LEMD1: variants seen among roughly 807,000 people sequenced by gnomAD.
LEMD1 encodes the protein LEM domain containing 1.
Under a neutral mutation model 17.4 loss-of-function variants are expected in LEMD1, and 18 were observed. The ratio of observed to expected loss-of-function variants is 1.04; its 90% CI spans 0.72 to 1.54. LEMD1 has a LOEUF of 1.54. Among genes scored for constraint, LEMD1 ranks in the 40% most tolerant of loss-of-function variants. The pLI is 0.00. For synonymous variants in LEMD1, 88 were observed against 77.8 expected (o/e 1.13, Z -0.69); for missense variants, 195 against 210.4 (o/e 0.93, Z 0.45).
At chr1:205,411,412 G>C (rs569751185) in intron 4 of LEMD1, among the ~76,000 whole-genome samples, 3 of 151,914 alleles carry the variant, frequency 2.0e-5, no homozygotes, top group Non-Finnish European at 4.4e-5. Flanking sequence ...AAATTTAGCC[G>C]GGCGTGGTGG....
At chr1:205,419,720 C>T (rs1192302197) in intron 2 of LEMD1, among the ~76,000 whole-genome samples, 1 of 152,184 alleles carries the variant, frequency 6.6e-6, no homozygotes, top group African/African-American at 2.4e-5. Flanking sequence ...CCCGCCTCGG[C>T]CTCCCAAATT....
chr1:205,405,108 C>T (rs1665030549), intron 4 of LEMD1, among the ~76,000 whole-genome samples: 2 of 152,216 alleles, frequency 1.3e-5, no homozygotes, highest in Middle Eastern at 3.4e-3. Context: ...GTGGGTAACC[C>T]GACTTTTCTC....
chr1:205,391,602 C>G (rs924987864), intron 4 of LEMD1, among the ~76,000 whole-genome samples: 2 of 152,158 alleles, frequency 1.3e-5, no homozygotes, highest in African/African-American at 4.8e-5. Context: ...GTGGCAAACC[C>G]TCCTGCTCCG....
chr1:205,402,236 G>A (rs573042869), intron 4 of LEMD1, among the ~76,000 whole-genome samples: 1 of 152,278 alleles, frequency 6.6e-6, no homozygotes, highest in African/African-American at 2.4e-5. Flanking sequence ...CCAATTCTGT[G>A]AAGAAAGTCA....
intron 1 of LEMD1, among the ~76,000 whole-genome samples, chr1:205,444,507 G>A (rs963720682): frequency 2.0e-5 from 3 of 152,062 alleles, no homozygotes; most frequent in Non-Finnish European, 2.9e-5. Flanking sequence ...ACATCTCTCT[G>A]TGCCAGATAC....
chr1:205,383,613 T>C (rs1663830160), intron 5 of LEMD1, among the ~76,000 whole-genome samples: 1 of 151,146 alleles, frequency 6.6e-6, no homozygotes, highest in Non-Finnish European at 1.5e-5. Context: ...ACTGTGTATT[T>C]ATATCCTTTT....
chr1:205,389,853 G>A (rs529014490), intron 4 of LEMD1, among the ~76,000 whole-genome samples: 5 of 152,196 alleles, frequency 3.3e-5, no homozygotes, highest in Admixed American at 3.3e-4. Flanking sequence ...AAATTATTAA[G>A]TTGGTAAAAG....
rs371995414 is a variant in LEMD1 at position 205,381,787 on chromosome 1, C to T, written c.417G>A (p.Ala139=). The change falls in exon 6 of 6, where the codon GCG becomes GCA. Residue 139 remains alanine (A), a synonymous_variant. Coordinates refer to ENST00000367153, the MANE Select transcript of LEMD1 (RefSeq NM_001199050.2). ...TCCAGCTCTCGATAGTCTGGTCTTC[C>T]GCGCAGTAGTCTCTCTCTTTGGTGA... ...GTITKERDYC[A]EDQTIESWRE... 4.8e-5 allele frequency: 77 copies of T among 1,614,148 alleles called. 1 individual carries two copies. Among genetic ancestry groups the T allele is most frequent in the South Asian group, 4.6e-4 (42 of 91,084 alleles).
chr1:205,444,222 G>A (rs554236682), intron 1 of LEMD1, among the ~76,000 whole-genome samples: 1 of 152,110 alleles, frequency 6.6e-6, no homozygotes, highest in Non-Finnish European at 1.5e-5. Context: ...AGGATGGAGA[G>A]GCAGGGTGGA....
At chr1:205,419,194 A>G in intron 3 of LEMD1, 36 bp downstream of exon 3, 1 of 1,608,336 alleles carries the variant, frequency 6.2e-7, no homozygotes, top group Non-Finnish European at 8.5e-7. Context: ...TAATAAGTGC[A>G]AAGTTGCCAT....
At chr1:205,401,676 T>C (rs984121587) in intron 4 of LEMD1, among the ~76,000 whole-genome samples, 1 of 152,224 alleles carries the variant, frequency 6.6e-6, no homozygotes, top group Non-Finnish European at 1.5e-5. Flanking sequence ...TGTGGTAGTT[T>C]CTTTTGCTGT....
intron 4 of LEMD1, among the ~76,000 whole-genome samples, chr1:205,394,621 G>A (rs147665881): frequency 0.019 from 2,890 of 152,266 alleles, 81 homozygotes; most frequent in African/African-American, 0.065. Flanking sequence ...CTGACCTCAG[G>A]TGATCCACCC....
At chr1:205,423,046 C>T (rs557291547), upstream of LEMD1, among the ~76,000 whole-genome samples, 1 of 152,296 alleles carries the variant, frequency 6.6e-6, no homozygotes, top group African/African-American at 2.4e-5. Flanking sequence ...TACTCATGAG[C>T]CCTAGCCCCA....
At chr1:205,400,048 A>G (rs1664767177) in intron 4 of LEMD1, among the ~76,000 whole-genome samples, 1 of 152,170 alleles carries the variant, frequency 6.6e-6, no homozygotes, top group Admixed American at 6.6e-5. Flanking sequence ...TTACAAAGGC[A>G]AAAATAATGT....
chr1:205,434,051 C>A (rs1464459701), intron 1 of LEMD1, among the ~76,000 whole-genome samples: 1 of 152,154 alleles, frequency 6.6e-6, no homozygotes, highest in Non-Finnish European at 1.5e-5. Flanking sequence ...TAATCACATA[C>A]ATGATATAAT....
At chr1:205,421,076 C>T (rs1301062898) in intron 1 of LEMD1, among the ~76,000 whole-genome samples, 1 of 151,306 alleles carries the variant, frequency 6.6e-6, no homozygotes, top group African/African-American at 2.4e-5. Context: ...TGTAATTTAA[C>T]TCTGAACGTT....
intron 1 of LEMD1, among the ~76,000 whole-genome samples, chr1:205,432,819 G>A (rs1666144935): frequency 6.6e-6 from 1 of 151,976 alleles, no homozygotes. Context: ...GACCAGCCTG[G>A]GCAACATAGT....
At chr1:205,420,246 A>G (rs1665898795) in intron 2 of LEMD1, among the ~76,000 whole-genome samples, 1 of 152,174 alleles carries the variant, frequency 6.6e-6, no homozygotes, top group South Asian at 2.1e-4. Flanking sequence ...TGAATCTGGG[A>G]GGCAGAGGTT....
chr1:205,393,470 G>T (rs1234233031), intron 4 of LEMD1, among the ~76,000 whole-genome samples: 2 of 151,968 alleles, frequency 1.3e-5, no homozygotes, highest in African/African-American at 4.8e-5. Flanking sequence ...CAGGTTAGGA[G>T]TTCGAGACCA....
Sources: allele counts gnomAD v4.1 joint callset (sites outside exome capture counted in the v4.1 genomes callset), GRCh38; gene constraint gnomAD v4.1.1; transcripts MANE v1.5; gene names NCBI Gene and HGNC (gene_info 2026-07-23, HGNC 2026-07-21).